The following SH3BP5 variants were observed in gnomAD, a reference collection of about 807,000 sequenced individuals.
SH3BP5 encodes the protein SH3 domain-binding protein 5.
Under a neutral mutation model 43.3 loss-of-function variants are expected in SH3BP5, and 22 were observed. That is an observed-to-expected ratio of 0.51 (90% CI 0.36 to 0.73). The LOEUF (loss-of-function observed/expected upper bound fraction) is 0.73. SH3BP5 is among the 30% of genes least tolerant of loss of function. SH3BP5 has a pLI of 0.00. For missense variants in SH3BP5, 529 were observed against 586.9 expected (o/e 0.90, Z 1.02); for synonymous variants, 255 against 225.8 (o/e 1.13, Z -1.16).
chr3:15,306,499 C>T (rs1466302245), intron 2 of SH3BP5, among the ~76,000 whole-genome samples: 1 of 151,648 alleles, frequency 6.6e-6, no homozygotes, highest in Non-Finnish European at 1.5e-5. Flanking sequence ...CAGACCCTGC[C>T]CTGTCTCAAA....
chr3:15,286,065 C>T (rs561253381), intron 3 of SH3BP5, among the ~76,000 whole-genome samples: 1 of 152,338 alleles, frequency 6.6e-6, no homozygotes, highest in African/African-American at 2.4e-5. Flanking sequence ...GATCTATTAT[C>T]ATGTAAGTGG....
chr3:15,258,587 C>G, intron 7 of SH3BP5: 1 of 543,870 alleles, frequency 1.8e-6, no homozygotes, highest in Admixed American at 3.4e-5. Flanking sequence ...CTTTGACTCT[C>G]AAAGAGGAGT....
intron 2 of SH3BP5, among the ~76,000 whole-genome samples, chr3:15,322,385 A>C (rs1021896723): frequency 2.0e-5 from 3 of 152,094 alleles, no homozygotes; most frequent in Non-Finnish European, 4.4e-5. Flanking sequence ...TTTAAAGTGA[A>C]AGGCCACTCT....
upstream of SH3BP5, among the ~76,000 whole-genome samples, chr3:15,336,487 C>A (rs755535377): frequency 6.6e-6 from 1 of 152,104 alleles, no homozygotes; most frequent in East Asian, 1.9e-4. Flanking sequence ...GATCCATTAG[C>A]CTGATGATCA....
rs371493720 is a variant in SH3BP5 at position 15,305,814 on chromosome 3, T to C, written c.202-1583A>G. Among the ~76,000 whole-genome samples, 22 of 152,016 alleles carry C rather than the reference T, an allele frequency of 1.4e-4. 2 individuals are homozygous for C. Among genetic ancestry groups the C allele is most frequent in the South Asian group, 2.1e-4 (1 of 4,824 alleles). On this transcript the variant is annotated intron_variant, in intron 2 of 8. Transcript: ENST00000383791. ...CAGCAACTAGCAACTTGGACCTTGATAGGAGTTAGGAAGGCAAAGAAGGAC... is the reference window on the plus strand; with the variant it reads ...CAGCAACTAGCAACTTGGACCTTGACAGGAGTTAGGAAGGCAAAGAAGGAC...
intron 1 of SH3BP5, among the ~76,000 whole-genome samples, chr3:15,338,488 TC>T (rs1282902036): frequency 2.6e-5 from 4 of 152,212 alleles, no homozygotes; most frequent in African/African-American, 4.8e-5. Flanking sequence ...TAGCATCCCC[TC>T]TTTCTCCACC....
chr3:15,278,056 C>G (rs890749701), intron 3 of SH3BP5, among the ~76,000 whole-genome samples: 2 of 152,358 alleles, frequency 1.3e-5, no homozygotes, highest in East Asian at 3.9e-4. Flanking sequence ...TTCTACCCCT[C>G]GTGCTTCGCT....
At chr3:15,335,645 A>G (rs1698692924), upstream of SH3BP5, among the ~76,000 whole-genome samples, 1 of 152,176 alleles carries the variant, frequency 6.6e-6, no homozygotes, top group South Asian at 2.1e-4. Flanking sequence ...TTATATGTAA[A>G]CACTGCCATT....
chr3:15,339,998 AAGG>A (rs1158231739), intron 1 of SH3BP5: 1 of 152,216 alleles, frequency 6.6e-6, no homozygotes. Context: ...ATGGGATTTT[AAGG>A]AGGAGAGAAT....
At chr3:15,338,023 T>A (rs1047309197) in intron 1 of SH3BP5, among the ~76,000 whole-genome samples, 3 of 151,736 alleles carry the variant, frequency 2.0e-5, no homozygotes, top group African/African-American at 7.3e-5. Flanking sequence ...AAATTAAGAT[T>A]CCTTGCAATG....
exon 1 of SH3BP5, chr3:15,341,329 C>T (rs1698763102): frequency 6.6e-6 from 1 of 152,624 alleles, no homozygotes; most frequent in South Asian, 2.1e-4. Context: ...TCATCATCCA[C>T]ATCTCAGCCC....
upstream of SH3BP5, among the ~76,000 whole-genome samples, chr3:15,336,222 G>A (rs1044240028): frequency 6.6e-6 from 1 of 152,322 alleles, no homozygotes; most frequent in South Asian, 2.1e-4. Context: ...ATGTGCAAAG[G>A]TCCTGAGGTG....
At chr3:15,331,004 C>T (rs1698595633) in intron 1 of SH3BP5, among the ~76,000 whole-genome samples, 1 of 148,418 alleles carries the variant, frequency 6.7e-6, no homozygotes, top group Admixed American at 6.8e-5. Context: ...GGTATTAACT[C>T]ACCAGAATTA....
At chr3:15,323,287 C>T (rs1698382864) in intron 2 of SH3BP5, among the ~76,000 whole-genome samples, 1 of 152,202 alleles carries the variant, frequency 6.6e-6, no homozygotes, top group Admixed American at 6.5e-5. Context: ...ATGAGCCCTC[C>T]CTCTGACCCC....
At chr3:15,304,540 T>C (rs180880306) in intron 2 of SH3BP5, among the ~76,000 whole-genome samples, 1 of 152,132 alleles carries the variant, frequency 6.6e-6, no homozygotes, top group Non-Finnish European at 1.5e-5. Context: ...TCATCTCGGG[T>C]GTGGTAGCTC....
intron 7 of SH3BP5, 153 bp downstream of exon 7, chr3:15,258,678 G>C: frequency 1.6e-6 from 1 of 625,448 alleles, no homozygotes; most frequent in South Asian, 2.0e-5. Context: ...AATGAACACA[G>C]TGTTCCATAA....
chr3:15,318,888 C>T (rs925074921), intron 2 of SH3BP5, among the ~76,000 whole-genome samples: 8 of 151,606 alleles, frequency 5.3e-5, no homozygotes, highest in Non-Finnish European at 7.4e-5. Flanking sequence ...GCTTTTTTGA[C>T]CCGAAGTTTC....
chr3:15,325,504 G>C (rs922736275), intron 2 of SH3BP5, among the ~76,000 whole-genome samples: 1 of 152,128 alleles, frequency 6.6e-6, no homozygotes. Flanking sequence ...CCCTCCCCTT[G>C]CCTCCAAACA....
intron 3 of SH3BP5, among the ~76,000 whole-genome samples, chr3:15,290,525 C>CAAAAAA (rs3031239): frequency 1.8e-5 from 1 of 56,274 alleles, no homozygotes; most frequent in Admixed American, 2.1e-4. Context: ...GACTCTGTCC[C>CAAAAAA]AAAAAAAAAA....
Sources: allele counts gnomAD v4.1 joint callset (sites outside exome capture counted in the v4.1 genomes callset), GRCh38; gene constraint gnomAD v4.1.1; transcripts MANE v1.5; gene names NCBI Gene and HGNC (gene_info 2026-07-23, HGNC 2026-07-21).